Variants in EML6 observed in about 807,000 individuals in gnomAD.
EML6 encodes the protein echinoderm microtubule-associated protein-like 6.
In EML6, 154 loss-of-function variants were observed where a neutral mutation model predicts 240.1. That is an observed-to-expected ratio of 0.64 (90% CI 0.56 to 0.73). The LOEUF (loss-of-function observed/expected upper bound fraction) is 0.73, where lower values mean the gene tolerates loss of function less well. EML6 is among the 30% of genes least tolerant of loss of function. EML6 has a pLI of 0.00. For missense variants in EML6, 2,964 were observed against 2,474.6 expected (o/e 1.20, Z -4.20); for synonymous variants, 1,148 against 899.0 (o/e 1.28, Z -4.95).
intron 17 of EML6, among the ~76,000 whole-genome samples, chr2:54,886,641 C>T (rs1168094126): frequency 6.6e-6 from 1 of 152,202 alleles, no homozygotes; most frequent in Non-Finnish European, 1.5e-5. Flanking sequence ...ATTATAGCCA[C>T]CTCATCAGTG....
rs538246535 is a variant in EML6, at chr2:54,947,203, G to A, written c.4005-1679G>A. Among the ~76,000 whole-genome samples the A allele has an allele frequency of 2.6e-5, 4 of 152,130 alleles. No individual in the cohort carries two copies. In the East Asian group the frequency reaches 7.7e-4, roughly 29 times the overall value. ...TTCTTAGGTGAAAGAAGAAACCCAC[G>A]GATTTCATTTGAAAGTCCCACTAAA... is the stretch of plus-strand genomic sequence containing the variant. On this transcript the variant is annotated intron_variant, in intron 28 of 41. Transcript: ENST00000356458.
chr2:54,757,859 C>G (rs1421436014), intron 2 of EML6, among the ~76,000 whole-genome samples: 1 of 151,110 alleles, frequency 6.6e-6, no homozygotes, highest in Non-Finnish European at 1.5e-5. Context: ...TCAGTCACCA[C>G]TTACTCATTT....
intron 2 of EML6, among the ~76,000 whole-genome samples, chr2:54,752,317 T>C (rs1282604492): frequency 3.3e-5 from 5 of 152,226 alleles, no homozygotes; most frequent in Non-Finnish European, 7.3e-5. Context: ...AATTGAAATA[T>C]AACACATATA....
chr2:54,833,731 G>A (rs1668992226), intron 7 of EML6, among the ~76,000 whole-genome samples: 1 of 152,172 alleles, frequency 6.6e-6, no homozygotes, highest in Non-Finnish European at 1.5e-5. Context: ...TCTTTTGTGA[G>A]TTATTGCATT....
chr2:54,875,043 T>G (rs908575785), intron 16 of EML6, among the ~76,000 whole-genome samples: 14 of 152,122 alleles, frequency 9.2e-5, no homozygotes, highest in African/African-American at 3.4e-4. Flanking sequence ...TGTGTACACT[T>G]GGCAAGAGTG....
At chr2:54,893,194 C>G (rs986018001) in intron 19 of EML6, among the ~76,000 whole-genome samples, 2 of 152,308 alleles carry the variant, frequency 1.3e-5, no homozygotes, top group Middle Eastern at 3.4e-3. Flanking sequence ...GGTCTGTCTA[C>G]TTGCCTTGCA....
At chr2:54,796,029 C>T (rs1426794487) in intron 2 of EML6, among the ~76,000 whole-genome samples, 8 of 151,842 alleles carry the variant, frequency 5.3e-5, no homozygotes, top group Non-Finnish European at 8.8e-5. Flanking sequence ...ACACTGAATA[C>T]GAGATAAAAT....
In EML6 at chr2:54,878,819, A is replaced by T. The variant is rs570042384; in HGVS notation, c.2345-728A>T. ...CATGATATAATAGATGAAGAAAGAT[A>T]AGATAACCTGTTCATTATTATTCTG... is the stretch of plus-strand genomic sequence containing the variant. On this transcript the variant is annotated intron_variant, in intron 16 of 41. Transcript: ENST00000356458. 5.3e-5 allele frequency among the ~76,000 whole-genome samples: 8 copies of T among 152,340 alleles called. 1 individual carries two copies. Among genetic ancestry groups the T allele is most frequent in the African/African-American group, 1.9e-4 (8 of 41,576 alleles).
chr2:54,894,070 G>C (rs894582859), intron 19 of EML6, among the ~76,000 whole-genome samples: 6 of 151,710 alleles, frequency 4.0e-5, no homozygotes, highest in Non-Finnish European at 7.4e-5. Flanking sequence ...AATTTTCCTG[G>C]GTACAAATTC....
rs1400497748 is a variant in EML6 at position 54,827,650 on chromosome 2, G to T, written c.610G>T (p.Ala204Ser). The T allele has an allele frequency of 3.2e-6, 5 of 1,551,494 alleles. No homozygotes were observed. The South Asian group carries it at 4.8e-5, about 15-fold the overall frequency. The change falls in exon 6 of 42, where the codon GCA becomes TCA. Residue 204 changes from alanine to serine, a missense_variant. Physicochemically the swap from Ala to Ser is moderately conservative, Grantham distance 99. Transcript: ENST00000356458. Reference protein sequence around the residue: ...TGDLQTILCLACAKEDITYSG... With the variant: ...TGDLQTILCLSCAKEDITYSG... ...GGATCTTCAGACCATCCTTTGCCTT[G>T]CATGTGCCAAAGAAGACATCACCTA...
In EML6 at chr2:54,877,442, A is replaced by G. The variant is rs181026720; in HGVS notation, c.2345-2105A>G. On this transcript the variant is annotated intron_variant, in intron 16 of 41. Transcript: ENST00000356458. ...GTGATACTTACAAAGGAAATGTGAT[A>G]AGATTATTAAAAGTCTTAAAAAAAA... Among the ~76,000 whole-genome samples, 462 of 119,034 alleles carry G rather than the reference A, an allele frequency of 3.9e-3. 1 individual carries two copies. Among genetic ancestry groups the G allele is most frequent in the Middle Eastern group, 0.011 (3 of 266 alleles). The allele number at this position is 119,034 out of a possible 152,430, so 78.1% of individuals were successfully genotyped here. A position where few individuals can be genotyped will look rare whatever the true frequency, so the allele number is the denominator to read the frequency against.
At chr2:54,863,371 T>A (rs1251971593) in intron 12 of EML6, among the ~76,000 whole-genome samples, 3 of 152,144 alleles carry the variant, frequency 2.0e-5, no homozygotes, top group African/African-American at 7.2e-5. Context: ...AATTTAAAAA[T>A]TAACTGGGCA....
chr2:54,867,674 G>A (rs1437238280), intron 14 of EML6: 1 of 152,286 alleles, frequency 6.6e-6, no homozygotes, highest in African/African-American at 2.4e-5. Context: ...CACCTGAGTT[G>A]GGGAGGTCTA....
chr2:54,843,507 T>G (rs748648295), intron 7 of EML6, among the ~76,000 whole-genome samples: 1 of 151,962 alleles, frequency 6.6e-6, no homozygotes, highest in Non-Finnish European at 1.5e-5. Flanking sequence ...TTTTGCAAAC[T>G]AGATTACAAG....
rs946396665 is a variant in EML6, at chr2:54,725,997, C to T, written c.197+739C>T. 6.6e-6 allele frequency among the ~76,000 whole-genome samples: 1 copy of T among 152,134 alleles called. No homozygotes were observed. Among genetic ancestry groups the T allele is most frequent in the Non-Finnish European group, 1.5e-5 (1 of 68,022 alleles). On this transcript the variant is annotated intron_variant, in intron 2 of 41. Transcript: ENST00000356458. The surrounding 1 kb of genome is among the most constrained non-coding windows in gnomAD (Gnocchi z 4.3). Reference sequence around the variant, plus strand: ...TGAATGGCCGTTTTAGGGGCCCTCCCGATTAAATGGAAAGGGGTTATATTG... The same window carrying T: ...TGAATGGCCGTTTTAGGGGCCCTCCTGATTAAATGGAAAGGGGTTATATTG...
intron 2 of EML6, among the ~76,000 whole-genome samples, chr2:54,807,857 A>T (rs180743056): frequency 6.6e-6 from 1 of 152,250 alleles, no homozygotes. Context: ...GCTGGCTCCA[A>T]TCATGCCACT....
intron 2 of EML6, among the ~76,000 whole-genome samples, chr2:54,760,910 C>T (rs1667955528): frequency 6.7e-6 from 1 of 150,008 alleles, no homozygotes. Flanking sequence ...AAATACAAAC[C>T]TCCTGAATCT....
At position 54,850,181 on chromosome 2, in the gene EML6, T is replaced by C. The variant is rs747661567; in HGVS notation, c.1407T>C (p.Asn469=). Residue 469 remains asparagine (N), a synonymous_variant, in exon 10 of 42, where the codon AAT becomes AAC. Transcript: ENST00000356458. The part of the protein sequence containing the change: ...WSLDSKYLQT[N]DGAGERLFYR... ...TGGATAGTAAATACTTACAAACTAA[T>C]GACGGTGCAGGAGAACGATTGTTCT... 3.2e-5 allele frequency: 49 copies of C among 1,551,744 alleles called. No individual in the cohort carries two copies. Among genetic ancestry groups the C allele is most frequent in the Middle Eastern group, 3.3e-4 (2 of 5,992 alleles).
rs531608535 is a variant in EML6, at chr2:54,730,141, A to G, written c.197+4883A>G. The stretch of plus-strand genomic sequence containing the variant: ...ACAAGAGTGAGGCCCTGTCTCAAGA[A>G]AAAAAAAAGAAAAGAAAAAATTTAA... On this transcript the variant is annotated intron_variant, in intron 2 of 41. Coordinates refer to ENST00000356458, the MANE Select transcript of EML6 (RefSeq NM_001039753.4). 1.5e-3 allele frequency among the ~76,000 whole-genome samples: 223 copies of G among 151,972 alleles called. 2 individuals carry two copies. The highest frequency in any genetic ancestry group is 5.2e-3 in the African/African-American group (216 of 41,464).
Sources: allele counts gnomAD v4.1 joint callset (sites outside exome capture counted in the v4.1 genomes callset), GRCh38; gene constraint gnomAD v4.1.1; non-coding constraint Gnocchi (gnomAD v3.1); transcripts MANE v1.5; gene names NCBI Gene and HGNC (gene_info 2026-07-23, HGNC 2026-07-21).